The following HS6ST3 variants were observed in gnomAD, a reference collection of about 807,000 sequenced individuals.
The protein encoded by HS6ST3 is heparan sulfate 6-O-sulfotransferase 3.
In HS6ST3, 12 loss-of-function variants were observed where a neutral mutation model predicts 36.7. The ratio of observed to expected loss-of-function variants is 0.33; its 90% CI spans 0.21 to 0.53. The LOEUF is 0.53. HS6ST3 is among the 20% of genes least tolerant of loss of function. HS6ST3 has a pLI of 0.95. For synonymous variants in HS6ST3, 240 were observed against 257.5 expected (o/e 0.93, Z 0.65); for missense variants, 584 against 640.9 (o/e 0.91, Z 0.96).
chr13:96,379,168 A>G (rs749605129), intron 1 of HS6ST3, among the ~76,000 whole-genome samples: 5 of 152,198 alleles, frequency 3.3e-5, no homozygotes, highest in Non-Finnish European at 7.4e-5. Context: ...CATTCTGCAC[A>G]TCGTCATAAA....
At chr13:96,409,996 A>T (rs2055499126) in intron 1 of HS6ST3, among the ~76,000 whole-genome samples, 1 of 152,238 alleles carries the variant, frequency 6.6e-6, no homozygotes, top group African/African-American at 2.4e-5. Flanking sequence ...GGTGGATTAC[A>T]GAGTTAAATA....
intron 1 of HS6ST3, among the ~76,000 whole-genome samples, chr13:96,815,649 G>A (rs909273705): frequency 6.6e-6 from 1 of 152,104 alleles, no homozygotes; most frequent in Non-Finnish European, 1.5e-5. Flanking sequence ...TCTTTAGAGA[G>A]CAGTTGTCTG....
At chr13:96,791,384 G>A (rs1438925884) in intron 1 of HS6ST3, among the ~76,000 whole-genome samples, 1 of 151,960 alleles carries the variant, frequency 6.6e-6, no homozygotes, top group African/African-American at 2.4e-5. Context: ...CAAGTTGTGT[G>A]ATCTCCATCT....
intron 1 of HS6ST3, among the ~76,000 whole-genome samples, chr13:96,118,688 ATTTTTTTTTTTTTTT>A (rs149786144): frequency 1.9e-4 from 6 of 31,170 alleles, no homozygotes; most frequent in African/African-American, 7.9e-4. Context: ...ATATATATAT[ATTTTTTTTTTTTTTT>A]TTTTTTTTTT....
chr13:96,661,410 G>C (rs189985746), intron 1 of HS6ST3, among the ~76,000 whole-genome samples: 3 of 152,104 alleles, frequency 2.0e-5, no homozygotes, highest in African/African-American at 7.2e-5. Flanking sequence ...TGAGTTAAAG[G>C]TTGTCTTATC....
intron 1 of HS6ST3, among the ~76,000 whole-genome samples, chr13:96,538,319 T>A (rs937001286): frequency 6.6e-6 from 1 of 152,266 alleles, no homozygotes; most frequent in Non-Finnish European, 1.5e-5. Context: ...AATACCTTTC[T>A]CTTGCCTTAT....
chr13:96,095,698 C>T (rs147085531), intron 1 of HS6ST3, among the ~76,000 whole-genome samples: 12 of 152,234 alleles, frequency 7.9e-5, no homozygotes, highest in Non-Finnish European at 1.2e-4. Context: ...GCTCCACAGC[C>T]GAGAGGGAAG....
chr13:96,140,698 TAGA>T (rs1224273966), intron 1 of HS6ST3, among the ~76,000 whole-genome samples: 1 of 152,226 alleles, frequency 6.6e-6, no homozygotes, highest in Admixed American at 6.5e-5. Flanking sequence ...GCAGTTACAC[TAGA>T]AGGTGAGAAA....
intron 1 of HS6ST3, among the ~76,000 whole-genome samples, chr13:96,458,240 G>A (rs2055763824): frequency 6.6e-6 from 1 of 151,924 alleles, no homozygotes; most frequent in African/African-American, 2.4e-5. Context: ...GAATATACTG[G>A]ATATTAGGAA....
chr13:96,266,304 T>C (rs958707775), intron 1 of HS6ST3, among the ~76,000 whole-genome samples: 1 of 152,152 alleles, frequency 6.6e-6, no homozygotes, highest in African/African-American at 2.4e-5. Flanking sequence ...CTGACTCTGA[T>C]CCTGAGAGGG....
intron 1 of HS6ST3, among the ~76,000 whole-genome samples, chr13:96,793,583 G>A (rs919832538): frequency 7.9e-5 from 12 of 152,036 alleles, no homozygotes; most frequent in Non-Finnish European, 1.8e-4. Context: ...GCCTGCCCAT[G>A]GTAGCACGTT....
chr13:96,380,611 G>A (rs935478848), intron 1 of HS6ST3, among the ~76,000 whole-genome samples: 1 of 152,024 alleles, frequency 6.6e-6, no homozygotes, highest in Non-Finnish European at 1.5e-5. Flanking sequence ...GTATTTTCAG[G>A]TATCTACTTT....
intron 1 of HS6ST3, among the ~76,000 whole-genome samples, chr13:96,135,506 A>C (rs181707684): frequency 2.0e-4 from 30 of 152,282 alleles, no homozygotes; most frequent in Admixed American, 8.5e-4. Context: ...TTTGTTTGCT[A>C]TTGGCGGTAT....
At chr13:96,572,247 A>G (rs1333469478) in intron 1 of HS6ST3, among the ~76,000 whole-genome samples, 2 of 152,224 alleles carry the variant, frequency 1.3e-5, no homozygotes, top group African/African-American at 4.8e-5. Context: ...GTGAAAATGA[A>G]TTATTATTAC....
intron 1 of HS6ST3, among the ~76,000 whole-genome samples, chr13:96,332,121 A>C (rs1356585479): frequency 6.6e-6 from 1 of 152,156 alleles, no homozygotes; most frequent in Non-Finnish European, 1.5e-5. Context: ...CTCAGATGGA[A>C]ATGCAGAAAT....
intron 1 of HS6ST3, among the ~76,000 whole-genome samples, chr13:96,709,257 T>C (rs114638319): frequency 0.018 from 2,731 of 152,338 alleles, 74 homozygotes; most frequent in African/African-American, 0.062. Context: ...CTCAGCCATG[T>C]AGAACTGTGA....
At chr13:96,572,718 T>G (rs1257039377) in intron 1 of HS6ST3, among the ~76,000 whole-genome samples, 1 of 152,168 alleles carries the variant, frequency 6.6e-6, no homozygotes, top group East Asian at 1.9e-4. Context: ...AAACAACTTT[T>G]AACTCTAAAG....
At chr13:96,425,122 A>G (rs2055580228) in intron 1 of HS6ST3, among the ~76,000 whole-genome samples, 1 of 152,158 alleles carries the variant, frequency 6.6e-6, no homozygotes, top group Non-Finnish European at 1.5e-5. Context: ...TGCCTTCTAT[A>G]TGCATGTAAC....
Position 96,139,019 on chromosome 13 carries a change from A to T in HS6ST3, c.707+47450A>T, listed in dbSNP as rs1362766482. Among the ~76,000 whole-genome samples, 7 of 152,280 alleles carry T rather than the reference A, an allele frequency of 4.6e-5. No homozygotes were observed. The East Asian group carries it at 1.2e-3, about 25-fold the overall frequency. ...ACATTATTTTATAATCAGAAAAAAA[A>T]GTAAAGCAAGCCTTGAATTAGGCGA... On this transcript the variant is annotated intron_variant, in intron 1 of 1. Coordinates refer to ENST00000376705, the MANE Select transcript of HS6ST3 (RefSeq NM_153456.4).
Sources: allele counts gnomAD v4.1 joint callset (sites outside exome capture counted in the v4.1 genomes callset), GRCh38; gene constraint gnomAD v4.1.1; transcripts MANE v1.5; gene names NCBI Gene and HGNC (gene_info 2026-07-23, HGNC 2026-07-21).